The following ATF6B variants were observed in gnomAD, a reference collection of about 807,000 sequenced individuals.
ATF6B encodes the protein cyclic AMP-dependent transcription factor ATF-6 beta.
Under a neutral mutation model 83.5 loss-of-function variants are expected in ATF6B, and 50 were observed. The ratio of observed to expected loss-of-function variants is 0.60; its 90% CI spans 0.48 to 0.76. The LOEUF is 0.76. Among genes scored for constraint, ATF6B ranks in the 30% least tolerant of loss-of-function variants. The pLI is 0.00. For synonymous variants in ATF6B, 344 were observed against 362.8 expected, an observed-to-expected ratio of 0.95 and a Z score of 0.59; for missense variants, 790 against 893.8, an observed-to-expected ratio of 0.88 and a Z score of 1.48.
Position 32,116,722 on chromosome 6 carries a change from A to AT in ATF6B, c.1778dup (p.Tyr593Ter). ...AACTCACCCTTCGGAAAGAGACAACATAAAATGTGTCTTCCCGTCGGTCAA... is the reference window on the plus strand; with the variant it reads ...AACTCACCCTTCGGAAAGAGACAACATTAAAATGTGTCTTCCCGTCGGTCAA... ...DAIDRREDTF[Y>*]VVSFRRDHLL... The change falls in exon 16 of 18, where the codon TAT becomes TAAT. Residue 593 changes from tyrosine (Y) to a stop codon, truncating the protein, a stop_gained and frameshift_variant. Transcript: ENST00000375203. LOFTEE classifies it high-confidence loss of function. This position sits in a 1 kb window ranked among gnomAD's most constrained non-coding sequence, Gnocchi z 5.1. 6.2e-7 allele frequency: 1 copy of AT among 1,614,126 alleles called. No individual in the cohort carries two copies. Among genetic ancestry groups the AT allele is most frequent in the Non-Finnish European group, 8.5e-7 (1 of 1,179,974 alleles).
At chr6:32,122,809 A>G (rs1203397368) in intron 5 of ATF6B, among the ~76,000 whole-genome samples, 1 of 149,064 alleles carries the variant, frequency 6.7e-6, no homozygotes, top group African/African-American at 2.5e-5. Context: ...AGATTGCGCC[A>G]CTGCACTCCA....
Position 32,115,712 on chromosome 6 carries a change from G to T in ATF6B, c.*27C>A, listed in dbSNP as rs370379560. 2 of 1,549,374 alleles carry T rather than the reference G, an allele frequency of 1.3e-6. No individual in the cohort carries two copies. The highest frequency in any genetic ancestry group is 1.8e-6 in the Non-Finnish European group (2 of 1,142,116). The stretch of plus-strand genomic sequence containing the variant: ...TGGCCACCTGGTACCCCCTCCCCCC[G>T]TTCTAAGTCAGTGTGAATGGCAGAG... On this transcript the variant is annotated 3_prime_UTR_variant, in exon 18 of 18. Coordinates refer to ENST00000375203, the MANE Select transcript of ATF6B (RefSeq NM_004381.5).
In ATF6B at chr6:32,121,122, A is replaced by C. The variant is rs576163307; in HGVS notation, c.567T>G (p.Ala189=). 10 of 1,584,636 alleles carry C rather than the reference A, an allele frequency of 6.3e-6. No individual in the cohort carries two copies. The South Asian group carries it at 6.9e-5, about 11-fold the overall frequency. ...SLLSADSSSQ[A]FIGEEVLEVK... is the part of the protein sequence containing the mutation. ...CTTCCAGGACCTCCTCTCCTATAAAAGCCTATGTGGGGCATTCCAGAGATA... is the reference window on the plus strand; with the variant it reads ...CTTCCAGGACCTCCTCTCCTATAAACGCCTATGTGGGGCATTCCAGAGATA... The change falls in exon 7 of 18, where the codon GCT becomes GCG. Residue 189 remains alanine (A), a splice_region_variant and synonymous_variant. Transcript: ENST00000375203.
intron 1 of ATF6B, 145 bp from the exon 2 acceptor site, chr6:32,127,895 A>G (rs892191276): frequency 1.7e-5 from 18 of 1,038,180 alleles, no homozygotes; most frequent in African/African-American, 8.0e-5. Flanking sequence ...AGGGCGCTTC[A>G]GCCCCTCCTT....
Position 32,125,932 on chromosome 6 carries a change from T to C in ATF6B, c.478+185A>G. 1 of 764,034 alleles carries C rather than the reference T, an allele frequency of 1.3e-6. No individual in the cohort carries two copies. Among genetic ancestry groups the C allele is most frequent in the East Asian group, 2.7e-5 (1 of 36,550 alleles). 47.3% of individuals were successfully genotyped at this position (764,034 alleles called of 1,614,324 possible). A position where few individuals can be genotyped will look rare whatever the true frequency, so the allele number is the denominator to read the frequency against. On this transcript the variant is annotated intron_variant, in intron 5 of 17. Coordinates refer to ENST00000375203, the MANE Select transcript of ATF6B (RefSeq NM_004381.5). This position sits in a 1 kb window ranked among gnomAD's most constrained non-coding sequence, Gnocchi z 4.1. ...TCCATCTCCTCAGCACTGCCCTTGC[T>C]GTGGTTCCCTGAAATGTTTCCTCTC... is the stretch of plus-strand genomic sequence containing the variant.
At position 32,117,441 on chromosome 6, in the gene ATF6B, G is replaced by A. The variant is rs1781575344; in HGVS notation, c.1533-37C>T. 1.2e-6 allele frequency: 2 copies of A among 1,610,268 alleles called. No individual in the cohort carries two copies. Among genetic ancestry groups the A allele is most frequent in the Non-Finnish European group, 1.7e-6 (2 of 1,177,806 alleles). On this transcript the variant is annotated intron_variant, in intron 13 of 17. Transcript: ENST00000375203. This position sits in a 1 kb window ranked among gnomAD's most constrained non-coding sequence, Gnocchi z 5.0. ...GAGGAGCTCAGGACCTCCATGCCAG[G>A]CCAAGATTCCCACCCTCCTTGCCCA...
chr6:32,127,114 G>T lies in ATF6B; in HGVS notation c.331C>A (p.Pro111Thr). 6.2e-7 allele frequency: 1 copy of T among 1,604,826 alleles called. No homozygotes were observed. Among genetic ancestry groups the T allele is most frequent in the Middle Eastern group, 1.7e-4 (1 of 6,010 alleles). Residue 111 changes from proline (P) to threonine (T), a missense_variant, in exon 4 of 18, where the codon CCA (proline) becomes ACA (threonine). Pro to Thr is a conservative substitution (Grantham distance 38, BLOSUM62 -1). This residue lies in a region of ATF6B where 253 missense variants were observed against 243.1 expected (regional missense o/e 1.04). Transcript: ENST00000375203. ...SSESSRLSTE[P>T]SSEALGVGEV... ...TATGGCTCTCTCACCTCGCTGGATG[G>T]CTCTGTGGAGAGACGCGATGACTCG...
intron 5 of ATF6B, among the ~76,000 whole-genome samples, chr6:32,122,284 G>A (rs1212999588): frequency 6.6e-6 from 1 of 152,110 alleles, no homozygotes; most frequent in Non-Finnish European, 1.5e-5. Context: ...TCACCTCTGA[G>A]CCTCCATGGC....
At chr6:32,127,900 C>T in intron 1 of ATF6B, 150 bp from the exon 2 acceptor site, 1 of 1,029,002 alleles carries the variant, frequency 9.7e-7, no homozygotes, top group African/African-American at 1.6e-5. Context: ...GCTTCAGCCC[C>T]TCCTTCCCCG....
At position 32,116,981 on chromosome 6, in the gene ATF6B, A is replaced by G; in HGVS notation, c.1685+56T>C. The G allele has an allele frequency of 6.3e-7, 1 of 1,580,402 alleles. No homozygotes were observed. Among genetic ancestry groups the G allele is most frequent in the Non-Finnish European group, 8.7e-7 (1 of 1,150,496 alleles). On this transcript the variant is annotated intron_variant, in intron 15 of 17. Transcript: ENST00000375203. The surrounding 1 kb of genome is among the most constrained non-coding windows in gnomAD (Gnocchi z 5.1). ...CAGGCACAGGACAGCTACTGGGGGT[A>G]CAGCTCTTGAAAGTGGAATTTCACT...
rs932878740 is a variant in ATF6B at position 32,125,808 on chromosome 6, A to G, written c.478+309T>C. Among the ~76,000 whole-genome samples, 4 of 152,208 alleles carry G rather than the reference A, an allele frequency of 2.6e-5. No individual in the cohort carries two copies. The highest frequency in any genetic ancestry group is 4.4e-5 in the Non-Finnish European group (3 of 68,046). On this transcript the variant is annotated intron_variant, in intron 5 of 17. Transcript: ENST00000375203. This position sits in a 1 kb window ranked among gnomAD's most constrained non-coding sequence, Gnocchi z 4.1. ...ATAAAATGTTGGGTGGAGGGGAATCACACAGATACATATGCCCTAAACTGC... is the reference window on the plus strand; with the variant it reads ...ATAAAATGTTGGGTGGAGGGGAATCGCACAGATACATATGCCCTAAACTGC...
In ATF6B at chr6:32,118,694, G is replaced by A; in HGVS notation, c.1244+81C>T. On this transcript the variant is annotated intron_variant, in intron 11 of 17. Coordinates refer to ENST00000375203, the MANE Select transcript of ATF6B (RefSeq NM_004381.5). This position sits in a 1 kb window ranked among gnomAD's most constrained non-coding sequence, Gnocchi z 5.2. ...CATTTGTATATAAGCAGAAGGAAAT[G>A]GCCTGGGCCAAAGCAGGCAGCTAGG... The A allele has an allele frequency of 7.1e-7, 1 of 1,411,450 alleles. No individual in the cohort carries two copies. The highest frequency in any genetic ancestry group is 1.0e-6 in the Non-Finnish European group (1 of 1,003,070). The allele number at this position is 1,411,450 out of a possible 1,614,324, so 87.4% of individuals were successfully genotyped here.
intron 1 of ATF6B, 101 bp downstream of exon 1, chr6:32,128,016 G>A (rs1782060658): frequency 7.1e-7 from 1 of 1,411,578 alleles, no homozygotes; most frequent in South Asian, 1.2e-5. Flanking sequence ...TTCAGATGGC[G>A]GATTCCGTAT....
Position 32,116,344 on chromosome 6 carries a change from C to T in ATF6B, c.1882+136G>A. 1.2e-6 allele frequency: 1 copy of T among 808,902 alleles called. No homozygotes were observed. The highest frequency in any genetic ancestry group is 1.9e-6 in the Non-Finnish European group (1 of 516,090). The allele number at this position is 808,902 out of a possible 1,614,324, so 50.1% of individuals were successfully genotyped here. A position where few individuals can be genotyped will look rare whatever the true frequency, so the allele number is the denominator to read the frequency against. On this transcript the variant is annotated intron_variant, in intron 17 of 17. Coordinates refer to ENST00000375203, the MANE Select transcript of ATF6B (RefSeq NM_004381.5). The surrounding 1 kb of genome is among the most constrained non-coding windows in gnomAD (Gnocchi z 5.1). Reference sequence around the variant, plus strand: ...GTCTCCTGCATGGTGCTCTTCCCTCCACCTACTTCCTGCTGCTTCTCACCT... The same window carrying T: ...GTCTCCTGCATGGTGCTCTTCCCTCTACCTACTTCCTGCTGCTTCTCACCT...
At chr6:32,127,302 A>G (rs2127349062) in intron 3 of ATF6B, 108 bp from the exon 4 acceptor site, 1 of 1,370,396 alleles carries the variant, frequency 7.3e-7, no homozygotes, top group Non-Finnish European at 1.0e-6. Context: ...AAGGGAGAAG[A>G]AACAAAAATA....
Position 32,117,715 on chromosome 6 carries a change from G to A in ATF6B, c.1425-21C>T. The A allele has an allele frequency of 1.2e-6, 2 of 1,610,374 alleles. No homozygotes were observed. The highest frequency in any genetic ancestry group is 1.7e-6 in the Non-Finnish European group (2 of 1,177,662). ...GGTTGCTGGAGTGAAGCAGGAAGGA[G>A]ACAACACTTGGAGACTGCCCAGCAC... is the stretch of plus-strand genomic sequence containing the variant. On this transcript the variant is annotated intron_variant, in intron 12 of 17. Transcript: ENST00000375203. This position sits in a 1 kb window ranked among gnomAD's most constrained non-coding sequence, Gnocchi z 5.0.
rs922355178 is a variant in ATF6B, at chr6:32,117,198, C to T, written c.1615-91G>A. On this transcript the variant is annotated intron_variant, in intron 14 of 17. Transcript: ENST00000375203. This position sits in a 1 kb window ranked among gnomAD's most constrained non-coding sequence, Gnocchi z 5.0. ...CTGGAAGCTGATGCCACCTCCCACT[C>T]AACCCTCCACTTCCTTCAAACGATC... 1 of 1,535,484 alleles carries T rather than the reference C, an allele frequency of 6.5e-7. No homozygotes were observed.
At position 32,115,941 on chromosome 6, in the gene ATF6B, C is replaced by G; in HGVS notation, c.1910G>C (p.Gly637Ala). ...NETLSGRGAP[G>A]DYEEMMQIEC... ...GATCTGCATCATCTCCTCATAGTCC[C>G]CCGGGGCCCCACGGCCTGACAGGGT... Residue 637 changes from glycine to alanine, a missense_variant, in exon 18 of 18, where the codon GGG (glycine) becomes GCG (alanine). Physicochemically the swap from Gly to Ala is moderately conservative, Grantham distance 60 (BLOSUM62 0). Coordinates refer to ENST00000375203, the MANE Select transcript of ATF6B (RefSeq NM_004381.5). 1 of 1,613,946 alleles carries G rather than the reference C, an allele frequency of 6.2e-7. No homozygotes were observed. The highest frequency in any genetic ancestry group is 8.5e-7 in the Non-Finnish European group (1 of 1,179,892).
In ATF6B at chr6:32,121,255, G is replaced by A. The variant is rs1781755136; in HGVS notation, c.564+8C>T. 1 of 1,613,786 alleles carries A rather than the reference G, an allele frequency of 6.2e-7. No homozygotes were observed. Among genetic ancestry groups the A allele is most frequent in the Non-Finnish European group, 8.5e-7 (1 of 1,179,842 alleles). On this transcript the variant is annotated splice_region_variant and intron_variant, in intron 6 of 17. Transcript: ENST00000375203. ...AAACCTGGAGGAAGGAAGGAAGGTG[G>A]TGCTCACCTGGCTGGAGGAGTCGGC... is the stretch of plus-strand genomic sequence containing the variant.
Sources: allele counts gnomAD v4.1 joint callset (sites outside exome capture counted in the v4.1 genomes callset), GRCh38; gene constraint gnomAD v4.1.1; regional missense constraint gnomAD v4.1.1; non-coding constraint Gnocchi (gnomAD v3.1); transcripts MANE v1.5; gene names NCBI Gene and HGNC (gene_info 2026-07-23, HGNC 2026-07-21).